Variants in SYT14 observed in about 807,000 individuals in gnomAD.
SYT14 encodes the protein synaptotagmin 14.
Under a neutral mutation model 74.2 loss-of-function variants are expected in SYT14, and 32 were observed. That is an observed-to-expected ratio of 0.43 (90% CI 0.33 to 0.58). The LOEUF (loss-of-function observed/expected upper bound fraction) is 0.58. SYT14 is among the 20% of genes least tolerant of loss of function. SYT14 has a pLI of 0.05. For synonymous variants in SYT14, 298 were observed against 337.7 expected (o/e 0.88, Z 1.29); for missense variants, 791 against 981.8 (o/e 0.81, Z 2.60).
chr1:210,077,736 C>A (rs761182623), intron 5 of SYT14, among the ~76,000 whole-genome samples: 2 of 152,076 alleles, frequency 1.3e-5, no homozygotes, highest in Admixed American at 6.5e-5. Flanking sequence ...TTTTTCATAC[C>A]TACCGATACT....
At chr1:210,044,115 G>C (rs1423547095) in intron 5 of SYT14, among the ~76,000 whole-genome samples, 1 of 152,116 alleles carries the variant, frequency 6.6e-6, no homozygotes, top group East Asian at 1.9e-4. Context: ...GCTGTAATTG[G>C]CTGGTTGGTG....
intron 5 of SYT14, among the ~76,000 whole-genome samples, chr1:210,087,471 CCTTAT>C (rs2081759720): frequency 6.6e-6 from 1 of 152,142 alleles, no homozygotes. Context: ...CGAACACACT[CCTTAT>C]CTTGTTTGGG....
chr1:209,967,167 C>T (rs1167414971), intron 2 of SYT14, among the ~76,000 whole-genome samples: 1 of 152,112 alleles, frequency 6.6e-6, no homozygotes, highest in Non-Finnish European at 1.5e-5. Context: ...ATAAATTCCA[C>T]TTGTTCATGA....
At position 210,155,738 on chromosome 1, in the gene SYT14, G is replaced by A. The variant is rs759225529; in HGVS notation, c.2052G>A (p.Met684Ile). The A allele has an allele frequency of 5.6e-6, 9 of 1,613,976 alleles. No homozygotes were observed. Among genetic ancestry groups the A allele is most frequent in the Middle Eastern group, 3.3e-4 (2 of 6,058 alleles). Residue 684 changes from methionine to isoleucine, a missense_variant, in exon 8 of 10, where the codon ATG (methionine) becomes ATA (isoleucine). By Grantham distance (10) the Met-to-Ile change is conservative. Coordinates refer to ENST00000637265, the Ensembl canonical transcript of SYT14. ...GATTACAGGGCTGTGACTCCCAAAT[G>A]AGCGTGTCAGAAATGTCGTGTAGTG...
chr1:210,158,160 A>G (rs2083305023), intron 8 of SYT14, among the ~76,000 whole-genome samples: 1 of 152,202 alleles, frequency 6.6e-6, no homozygotes, highest in South Asian at 2.1e-4. Context: ...TGAGTGGGAG[A>G]AAAGAAGCAA....
intron 2 of SYT14, among the ~76,000 whole-genome samples, chr1:209,986,571 C>T (rs991602348): frequency 6.6e-6 from 1 of 151,956 alleles, no homozygotes; most frequent in African/African-American, 2.4e-5. Flanking sequence ...CAAGATTGCG[C>T]CATTGCACTC....
intron 7 of SYT14, among the ~76,000 whole-genome samples, chr1:210,132,911 T>A (rs1029767606): frequency 6.6e-6 from 1 of 152,168 alleles, no homozygotes; most frequent in Non-Finnish European, 1.5e-5. Context: ...TTTCTGAGAT[T>A]TTTTTTCTAA....
At chr1:210,090,203 A>T (rs917672227) in intron 5 of SYT14, among the ~76,000 whole-genome samples, 2 of 152,068 alleles carry the variant, frequency 1.3e-5, no homozygotes, top group African/African-American at 4.8e-5. Context: ...TTTACTTTTG[A>T]TTCAGTTCTA....
At chr1:210,114,349 TG>T (rs2082317966) in intron 7 of SYT14, among the ~76,000 whole-genome samples, 1 of 151,430 alleles carries the variant, frequency 6.6e-6, no homozygotes, top group Non-Finnish European at 1.5e-5. Flanking sequence ...TCTTGTGTGC[TG>T]GAGATGTGGC....
At chr1:209,992,210 A>G (rs924120392) in intron 2 of SYT14, among the ~76,000 whole-genome samples, 2 of 152,064 alleles carry the variant, frequency 1.3e-5, no homozygotes, top group Non-Finnish European at 1.5e-5. Context: ...CAGCGGCACG[A>G]TCATAGCTCA....
chr1:210,005,025 C>G (rs2079965187), intron 2 of SYT14, among the ~76,000 whole-genome samples: 1 of 151,954 alleles, frequency 6.6e-6, no homozygotes, highest in East Asian at 1.9e-4. Context: ...ACTAACTGAA[C>G]TATGCCGGAC....
Position 209,952,704 on chromosome 1 carries a change from A to C in SYT14, c.-533-5A>C. On this transcript the variant is annotated splice_polypyrimidine_tract_variant and splice_region_variant and intron_variant, in intron 1 of 9. Coordinates refer to ENST00000637265, the Ensembl canonical transcript of SYT14. ...TTTTAACTTCCCATAAACTTTTTTT[A>C]ATAGGTGGAGAGAGAACCTGTGGAG... The C allele has an allele frequency of 1.2e-6, 2 of 1,609,048 alleles. No individual in the cohort carries two copies. Among genetic ancestry groups the C allele is most frequent in the Non-Finnish European group, 1.7e-6 (2 of 1,177,364 alleles).
At chr1:210,119,538 T>C (rs771013906) in intron 7 of SYT14, among the ~76,000 whole-genome samples, 21 of 152,314 alleles carry the variant, frequency 1.4e-4, no homozygotes, top group African/African-American at 3.6e-4. Flanking sequence ...TAGAGACTTA[T>C]AATGAGTCAG....
chr1:210,063,418 A>G (rs1304277375), intron 5 of SYT14, among the ~76,000 whole-genome samples: 3 of 151,734 alleles, frequency 2.0e-5, no homozygotes, highest in East Asian at 3.9e-4. Context: ...GTTCCAATTA[A>G]TTTCTCTATG....
chr1:210,160,889 G>A (rs367891205), exon 10 of SYT14: 3 of 1,613,872 alleles, frequency 1.9e-6, no homozygotes, highest in African/African-American at 1.3e-5. Context: ...TACTGTCTGT[G>A]TATAACAAAC....
At chr1:210,122,848 A>G (rs918230820) in intron 7 of SYT14, among the ~76,000 whole-genome samples, 1 of 152,180 alleles carries the variant, frequency 6.6e-6, no homozygotes, top group African/African-American at 2.4e-5. Flanking sequence ...TATGATTTGC[A>G]TATCAGTCAG....
chr1:210,058,568 C>T (rs933582211), intron 5 of SYT14, among the ~76,000 whole-genome samples: 3 of 152,150 alleles, frequency 2.0e-5, no homozygotes, highest in Admixed American at 1.3e-4. Context: ...ACTTGGCTGC[C>T]CTCCTCTTGG....
intron 4 of SYT14, among the ~76,000 whole-genome samples, chr1:210,017,928 G>A (rs890943870): frequency 1.3e-5 from 2 of 151,962 alleles, no homozygotes; most frequent in African/African-American, 2.4e-5. Flanking sequence ...TCATACTCTT[G>A]TAAAATAACA....
At chr1:210,114,452 G>A (rs918205609) in intron 7 of SYT14, among the ~76,000 whole-genome samples, 1 of 151,296 alleles carries the variant, frequency 6.6e-6, no homozygotes, top group Non-Finnish European at 1.5e-5. Context: ...CTGTTGTGGG[G>A]TTTGAGGGCT....
Sources: allele counts gnomAD v4.1 joint callset (sites outside exome capture counted in the v4.1 genomes callset), GRCh38; gene constraint gnomAD v4.1.1; transcripts MANE v1.5; gene names NCBI Gene and HGNC (gene_info 2026-07-23, HGNC 2026-07-21).